The following ZNF608 variants were observed in gnomAD, a reference collection of about 807,000 sequenced individuals.
ZNF608 encodes renal carcinoma antigen NY-REN-36.
ZNF608 carries 12 observed loss-of-function variants against 109.0 expected under a neutral mutation model. The observed-to-expected ratio is 0.11, with a 90% CI of 0.07 to 0.18. The LOEUF (loss-of-function observed/expected upper bound fraction) is 0.18. Ranked by LOEUF, ZNF608 falls within the 10% of genes least tolerant of loss-of-function variation. The pLI is 1.00. For missense variants in ZNF608, 1,707 were observed against 1,879.3 expected (o/e 0.91, Z 1.70); for synonymous variants, 732 against 717.4 (o/e 1.02, Z -0.33).
At chr5:124,709,006 T>C (rs947066636) in intron 2 of ZNF608, among the ~76,000 whole-genome samples, 1 of 151,932 alleles carries the variant, frequency 6.6e-6, no homozygotes, top group Admixed American at 6.6e-5. Flanking sequence ...ACCCAGTCTC[T>C]ACTAAAAATA....
chr5:124,649,631 T>C lies in ZNF608; in HGVS notation c.1229A>G (p.Lys410Arg). The C allele has an allele frequency of 6.2e-7, 1 of 1,612,512 alleles. No individual in the cohort carries two copies. The highest frequency in any genetic ancestry group is 1.1e-5 in the South Asian group (1 of 90,852). Residue 410 changes from lysine (K) to arginine (R), a missense_variant, in exon 4 of 10, where the codon AAG becomes AGG. Coordinates refer to ENST00000513986, the MANE Select transcript of ZNF608 (RefSeq NM_020747.3). Reference protein sequence around the residue: ...TYVGTLLDCTKHDWAPPRFCE... With the variant: ...TYVGTLLDCTRHDWAPPRFCE... ...ATACCTGGGAGGGGCCCAGTCGTGC[T>C]TGGTGCAGTCCAGTAGGGTTCCCAC...
rs770936188 is a variant in ZNF608 at position 124,744,493 on chromosome 5, T to C, written c.497A>G (p.Asn166Ser). 1 of 1,614,204 alleles carries C rather than the reference T, an allele frequency of 6.2e-7. No individual in the cohort carries two copies. The highest frequency in any genetic ancestry group is 2.2e-5 in the East Asian group (1 of 44,876). ...GGTGCTGGTGCTGGTACTATTGCTGTTTGGGTTGCCGCTGCCGCCGCTGCT... is the reference window on the plus strand; with the variant it reads ...GGTGCTGGTGCTGGTACTATTGCTGCTTGGGTTGCCGCTGCCGCCGCTGCT... ...SVSSGGSGNP[N>S]SNSTSTSTSA... Residue 166 changes from asparagine to serine, a missense_variant, in exon 2 of 10, where the codon AAC (asparagine) becomes AGC (serine). Coordinates refer to ENST00000513986, the MANE Select transcript of ZNF608 (RefSeq NM_020747.3). This position sits in a 1 kb window ranked among gnomAD's most constrained non-coding sequence, Gnocchi z 4.5.
intron 3 of ZNF608, among the ~76,000 whole-genome samples, chr5:124,688,713 TTTATATTTATC>T (rs1201259427): frequency 6.6e-6 from 1 of 152,240 alleles, no homozygotes; most frequent in Non-Finnish European, 1.5e-5. Context: ...TGTAATCCTA[TTTATATTTATC>T]TAAGAAGTTG....
intron 5 of ZNF608, 131 bp from the exon 6 acceptor site, chr5:124,644,792 G>T (rs1750423554): frequency 1.2e-6 from 1 of 800,860 alleles, no homozygotes; most frequent in Non-Finnish European, 1.9e-6. Flanking sequence ...ATTTATTTCT[G>T]TGCTAGACAC....
intron 3 of ZNF608, among the ~76,000 whole-genome samples, chr5:124,671,577 A>G (rs1444046273): frequency 6.6e-6 from 1 of 151,912 alleles, no homozygotes; most frequent in Admixed American, 6.6e-5. Context: ...TTTTATATGG[A>G]GAAAGAAACT....
intron 4 of ZNF608, 128 bp from the exon 5 acceptor site, chr5:124,649,261 A>G (rs941992780): frequency 2.7e-6 from 2 of 737,922 alleles, no homozygotes; most frequent in African/African-American, 1.8e-5. Flanking sequence ...AGTCAAGGAA[A>G]AGACTGACAA....
intron 2 of ZNF608, among the ~76,000 whole-genome samples, chr5:124,707,610 C>T (rs1285197551): frequency 3.3e-5 from 5 of 152,114 alleles, no homozygotes; most frequent in Non-Finnish European, 5.9e-5. Flanking sequence ...TATGAGATTG[C>T]CCATAGTCAC....
rs375438987 is a variant in ZNF608, at chr5:124,695,804, A to C, written c.1162+5210T>G. On this transcript the variant is annotated intron_variant, in intron 3 of 9. Coordinates refer to ENST00000513986, the MANE Select transcript of ZNF608 (RefSeq NM_020747.3). ...AGAATTAGCTTGAACCTCCTCCTAC[A>C]TTGCACATTTAAATACTATCATCTT... Among the ~76,000 whole-genome samples the C allele has an allele frequency of 3.3e-5, 5 of 151,936 alleles. No individual in the cohort carries two copies. The South Asian group carries it at 1.0e-3, about 32-fold the overall frequency.
intron 3 of ZNF608, among the ~76,000 whole-genome samples, chr5:124,651,241 T>C (rs997928727): frequency 6.6e-6 from 1 of 152,178 alleles, no homozygotes; most frequent in South Asian, 2.1e-4. Context: ...TCCATGGTAA[T>C]TAGGCATTTG....
chr5:124,654,577 T>C (rs9327336), intron 3 of ZNF608, among the ~76,000 whole-genome samples: 44,457 of 152,084 alleles, frequency 0.29, 7,156 homozygotes, highest in East Asian at 0.45. Context: ...CAGCACTGCA[T>C]ACACAGTTCT....
intron 2 of ZNF608, among the ~76,000 whole-genome samples, chr5:124,733,506 T>A (rs1338245479): frequency 1.3e-5 from 2 of 152,122 alleles, no homozygotes; most frequent in Non-Finnish European, 2.9e-5. Context: ...TACAGCAAGA[T>A]CCACTTGAAC....
At chr5:124,639,016 T>G in intron 9 of ZNF608, 117 bp downstream of exon 9, 1 of 992,398 alleles carries the variant, frequency 1.0e-6, no homozygotes, top group Non-Finnish European at 1.5e-6. Context: ...ACACATTCAT[T>G]ACAATGATAT....
rs1750022713 is a variant in ZNF608, at chr5:124,637,318, A to T, written c.*582T>A. 1 of 152,616 alleles carries T rather than the reference A, an allele frequency of 6.6e-6. No homozygotes were observed. Among genetic ancestry groups the T allele is most frequent in the African/African-American group, 2.4e-5 (1 of 41,442 alleles). 9.5% of individuals were successfully genotyped at this position (152,616 alleles called of 1,614,324 possible). ...CAAAAGTACTTTTTCCACAATACAC[A>T]AGTACAAACAGTGACTACAGGAACA... On this transcript the variant is annotated 3_prime_UTR_variant, in exon 10 of 10. Transcript: ENST00000513986.
intron 2 of ZNF608, among the ~76,000 whole-genome samples, chr5:124,712,350 G>A (rs61183948): frequency 0.096 from 14,570 of 152,164 alleles, 2,163 homozygotes; most frequent in African/African-American, 0.31. Flanking sequence ...GTTGGGCAAC[G>A]TCTATCAGGC....
At chr5:124,672,092 G>C (rs1158681046) in intron 3 of ZNF608, among the ~76,000 whole-genome samples, 1 of 152,208 alleles carries the variant, frequency 6.6e-6, no homozygotes, top group Admixed American at 6.5e-5. Context: ...ATTCTACCGA[G>C]TAATACAACA....
chr5:124,675,364 C>G (rs1188312879), intron 3 of ZNF608, among the ~76,000 whole-genome samples: 1 of 152,224 alleles, frequency 6.6e-6, no homozygotes, highest in Admixed American at 6.5e-5. Context: ...TCTTCTGGAG[C>G]CTTCCAACCT....
At chr5:124,680,005 A>G (rs1263973240) in intron 3 of ZNF608, among the ~76,000 whole-genome samples, 1 of 152,224 alleles carries the variant, frequency 6.6e-6, no homozygotes. Flanking sequence ...GCTCAAGCCC[A>G]ACATAATGAT....
intron 2 of ZNF608, among the ~76,000 whole-genome samples, chr5:124,727,685 T>TA (rs1254066664): frequency 7.8e-6 from 1 of 127,640 alleles, no homozygotes; most frequent in Non-Finnish European, 1.6e-5. Context: ...ACACATCAGA[T>TA]ACAGCTTCAG....
intron 3 of ZNF608, among the ~76,000 whole-genome samples, chr5:124,651,529 C>G (rs1561537882): frequency 1.3e-5 from 2 of 152,336 alleles, no homozygotes; most frequent in African/African-American, 4.8e-5. Context: ...TCACTGCGTT[C>G]CAGAGTCCCT....
Sources: gnomAD v4.1 joint callset for allele counts (sites outside exome capture counted in the v4.1 genomes callset) on GRCh38, gnomAD v4.1.1 for gene constraint, Gnocchi (gnomAD v3.1) non-coding constraint, MANE v1.5 for transcripts, NCBI Gene and HGNC (gene_info 2026-07-23, HGNC 2026-07-21) for gene names.